DNAH12: variants seen among roughly 807,000 people sequenced by gnomAD.
DNAH12 encodes dynein axonemal heavy chain 12.
In DNAH12, 285 loss-of-function variants were observed where a neutral mutation model predicts 371.5. The observed-to-expected ratio is 0.77, with a 90% CI of 0.70 to 0.85. The LOEUF (loss-of-function observed/expected upper bound fraction) is 0.85. DNAH12 is among the 40% of genes least tolerant of loss of function. The pLI is 0.00. For missense variants in DNAH12, 3,611 were observed against 3,689.4 expected (o/e 0.98, Z 0.55); for synonymous variants, 1,200 against 1,213.0 (o/e 0.99, Z 0.22).
intron 69 of DNAH12, among the ~76,000 whole-genome samples, chr3:57,307,574 A>G (rs1247190205): frequency 2.0e-5 from 3 of 152,138 alleles, no homozygotes; most frequent in African/African-American, 4.8e-5. Flanking sequence ...ATCACAAACT[A>G]TGCTCAACTC....
Position 57,309,147 on chromosome 3 carries a change from T to A in DNAH12, c.11189+4A>T. The stretch of plus-strand genomic sequence containing the variant: ...TCTGAATCACTGGGGATATAGATCC[T>A]TACTTGTTAAATCTTTCCATTTCTT... On this transcript the variant is annotated splice_donor_region_variant and intron_variant, in intron 69 of 73. Coordinates refer to ENST00000495027, the MANE Select transcript of DNAH12 (RefSeq NM_001366028.2). The A allele has an allele frequency of 6.5e-7, 1 of 1,529,432 alleles. No individual in the cohort carries two copies. The highest frequency in any genetic ancestry group is 8.8e-7 in the Non-Finnish European group (1 of 1,134,496). The allele number at this position is 1,529,432 out of a possible 1,614,324, so 94.7% of individuals were successfully genotyped here.
At chr3:57,418,030 T>C (rs550196019) in intron 37 of DNAH12, among the ~76,000 whole-genome samples, 28 of 151,994 alleles carry the variant, frequency 1.8e-4, no homozygotes, top group African/African-American at 6.7e-4. Context: ...CAGGTGCCTG[T>C]AATCCCAGCT....
chr3:57,428,328 C>T (rs1400679359), intron 34 of DNAH12: 7 of 1,112,508 alleles, frequency 6.3e-6, no homozygotes, highest in South Asian at 1.4e-5. Flanking sequence ...TTGAATAACT[C>T]ATAAACTCAC....
At chr3:57,379,638 C>T (rs1024175815) in intron 51 of DNAH12, among the ~76,000 whole-genome samples, 19 of 151,854 alleles carry the variant, frequency 1.3e-4, no homozygotes, top group Admixed American at 4.6e-4. Flanking sequence ...ACCAGGAGTT[C>T]GAGGACAGCC....
chr3:57,538,157 C>A (rs183088574), intron 2 of DNAH12, among the ~76,000 whole-genome samples: 44 of 152,234 alleles, frequency 2.9e-4, no homozygotes, highest in African/African-American at 9.6e-4. Flanking sequence ...AAGTGGAATT[C>A]AGTAAGAGGT....
chr3:57,312,410 A>C (rs183427520), intron 66 of DNAH12, among the ~76,000 whole-genome samples: 15 of 152,336 alleles, frequency 9.8e-5, no homozygotes, highest in Admixed American at 7.8e-4. Context: ...AATTTGTGGC[A>C]TATGCAAGAA....
intron 55 of DNAH12, among the ~76,000 whole-genome samples, chr3:57,368,702 T>A (rs1261849524): frequency 1.3e-5 from 2 of 152,152 alleles, no homozygotes; most frequent in African/African-American, 4.8e-5. Flanking sequence ...AGATTATGAG[T>A]AGAATTACAA....
chr3:57,525,262 T>A (rs1370453126), intron 2 of DNAH12, among the ~76,000 whole-genome samples: 1 of 152,022 alleles, frequency 6.6e-6, no homozygotes, highest in Admixed American at 6.6e-5. Flanking sequence ...TCTATTTTGC[T>A]CACTGCTCTC....
chr3:57,390,230 T>C (rs1436108209), intron 45 of DNAH12, among the ~76,000 whole-genome samples: 3,393 of 143,320 alleles, frequency 0.024, 65 homozygotes, highest in Middle Eastern at 0.043. Flanking sequence ...TTGGGCAACA[T>C]AGAGAAACCC....
chr3:57,533,485 G>T (rs2068919847), intron 2 of DNAH12, among the ~76,000 whole-genome samples: 2 of 151,394 alleles, frequency 1.3e-5, no homozygotes, highest in African/African-American at 4.9e-5. Context: ...ATGCCTCAGA[G>T]TCTCACTCAA....
At chr3:57,336,091 C>T (rs1430691704) in intron 60 of DNAH12, among the ~76,000 whole-genome samples, 2 of 152,200 alleles carry the variant, frequency 1.3e-5, no homozygotes, top group Non-Finnish European at 2.9e-5. Context: ...AAGTAATCCT[C>T]CTGACTTAGC....
At chr3:57,448,907 G>A (rs2153372040) in intron 25 of DNAH12, among the ~76,000 whole-genome samples, 1 of 133,826 alleles carries the variant, frequency 7.5e-6, no homozygotes, top group South Asian at 2.7e-4. Context: ...TACAAACCTT[G>A]AGCTAGATAC....
intron 2 of DNAH12, among the ~76,000 whole-genome samples, chr3:57,534,303 GA>G (rs1344778701): frequency 6.6e-6 from 1 of 152,114 alleles, no homozygotes; most frequent in African/African-American, 2.4e-5. Flanking sequence ...TCAGTAATAT[GA>G]AGTTAAAACA....
intron 19 of DNAH12, among the ~76,000 whole-genome samples, chr3:57,461,009 T>C (rs1280576079): frequency 6.6e-6 from 1 of 152,196 alleles, no homozygotes; most frequent in Non-Finnish European, 1.5e-5. Context: ...GTTAGGATAG[T>C]TTTCATATCC....
At chr3:57,528,020 C>CT (rs35945503) in intron 2 of DNAH12, among the ~76,000 whole-genome samples, 133,670 of 151,774 alleles carry the variant, frequency 0.88, 59,424 homozygotes, top group African/African-American at 0.96. Flanking sequence ...AGATTTAAGT[C>CT]TTTTTTTAAT....
At chr3:57,464,498 G>A (rs916753491) in intron 17 of DNAH12, among the ~76,000 whole-genome samples, 7 of 152,102 alleles carry the variant, frequency 4.6e-5, no homozygotes, top group African/African-American at 1.4e-4. Context: ...GTGACCTAGC[G>A]GTAAAGAAAC....
chr3:57,516,053 C>CTTTTTTATTTT (rs2068179904), intron 4 of DNAH12, among the ~76,000 whole-genome samples: 1 of 71,964 alleles, frequency 1.4e-5, no homozygotes, highest in Non-Finnish European at 2.4e-5. Context: ...ACTGCTTAGT[C>CTTTTTTATTTT]TTTTTTTTTT....
At chr3:57,493,188 C>A (rs956843532) in intron 11 of DNAH12, among the ~76,000 whole-genome samples, 2 of 151,936 alleles carry the variant, frequency 1.3e-5, no homozygotes, top group African/African-American at 4.8e-5. Context: ...TGGTAAAATA[C>A]AAATTAAAGA....
At chr3:57,429,941 T>G (rs1011556465) in intron 32 of DNAH12, among the ~76,000 whole-genome samples, 167 bp from the exon 33 acceptor site, 46 of 152,192 alleles carry the variant, frequency 3.0e-4, no homozygotes, top group Admixed American at 4.6e-4. Flanking sequence ...AATTATTAAG[T>G]ATTTAAGCAA....
Sources: allele counts gnomAD v4.1 joint callset (sites outside exome capture counted in the v4.1 genomes callset), GRCh38; gene constraint gnomAD v4.1.1; transcripts MANE v1.5; gene names NCBI Gene and HGNC (gene_info 2026-07-23, HGNC 2026-07-21).